Variants in PRKAG2 observed in about 807,000 individuals in gnomAD.
PRKAG2 encodes protein kinase AMP-activated non-catalytic subunit gamma 2, also known as 5'-AMP-activated protein kinase subunit gamma-2.
In PRKAG2, 26 loss-of-function variants were observed where a neutral mutation model predicts 69.6. The observed-to-expected ratio is 0.37, with a 90% CI of 0.27 to 0.52. The LOEUF is 0.52. Ranked by LOEUF, PRKAG2 falls within the 20% of genes least tolerant of loss-of-function variation. PRKAG2 has a pLI of 0.90. For synonymous variants in PRKAG2, 293 were observed against 285.0 expected, an observed-to-expected ratio of 1.03 and a Z score of -0.28; for missense variants, 557 against 740.0, an observed-to-expected ratio of 0.75 and a Z score of 2.87.
At position 151,811,405 on chromosome 7, in the gene PRKAG2, C is replaced by T. The variant is rs58554850; in HGVS notation, c.115-24864G>A. On this transcript the variant is annotated intron_variant, in intron 1 of 15. Transcript: ENST00000287878. Reference sequence around the variant, plus strand: ...GTGAACAGCAGAATGCTCTGCCAGGCCCAGGCCACGAGGCCTCTGGGGTGA... The same window carrying T: ...GTGAACAGCAGAATGCTCTGCCAGGTCCAGGCCACGAGGCCTCTGGGGTGA... 9.8e-3 allele frequency among the ~76,000 whole-genome samples: 1,500 copies of T among 152,348 alleles called. 56 individuals carry two copies. Among genetic ancestry groups the T allele is most frequent in the Admixed American group, 0.072 (1,100 of 15,306 alleles).
At chr7:151,661,178 TTTTTTG>T (rs945159428) in intron 4 of PRKAG2, among the ~76,000 whole-genome samples, 38 of 152,282 alleles carry the variant, frequency 2.5e-4, no homozygotes, top group African/African-American at 7.0e-4. Flanking sequence ...TTCACTGTCT[TTTTTTG>T]TTTTTGTTTT....
chr7:151,625,604 T>C (rs1184749720), intron 5 of PRKAG2, among the ~76,000 whole-genome samples: 3 of 151,838 alleles, frequency 2.0e-5, no homozygotes, highest in Non-Finnish European at 2.9e-5. Flanking sequence ...GAACGGTCCA[T>C]AGGAAGATGA....
At chr7:151,856,795 G>A (rs13231633) in intron 1 of PRKAG2, among the ~76,000 whole-genome samples, 5 of 152,306 alleles carry the variant, frequency 3.3e-5, no homozygotes, top group African/African-American at 1.2e-4. Context: ...CCACAGGGAA[G>A]AGAACTGGAT....
At chr7:151,747,645 G>A (rs376744875) in intron 3 of PRKAG2, among the ~76,000 whole-genome samples, 37 of 152,228 alleles carry the variant, frequency 2.4e-4, no homozygotes, top group Admixed American at 7.2e-4. Flanking sequence ...TCTGGTACTC[G>A]ATGGCTTAAG....
intron 1 of PRKAG2, among the ~76,000 whole-genome samples, chr7:151,848,233 G>C (rs1263332855): frequency 6.6e-6 from 1 of 152,162 alleles, no homozygotes; most frequent in African/African-American, 2.4e-5. Context: ...GGGGTGGTTA[G>C]GTCATGAGGA....
At chr7:151,569,504 C>G (rs910011438) in intron 10 of PRKAG2, among the ~76,000 whole-genome samples, 3 of 152,234 alleles carry the variant, frequency 2.0e-5, no homozygotes, top group Non-Finnish European at 4.4e-5. Context: ...CCCGGGCCGG[C>G]CCGGCTAGGA....
intron 3 of PRKAG2, among the ~76,000 whole-genome samples, chr7:151,727,782 C>A (rs572699417): frequency 6.6e-6 from 1 of 152,142 alleles, no homozygotes; most frequent in Admixed American, 6.5e-5. Context: ...GCAGGGCAGC[C>A]GGGTCAGCGT....
chr7:151,847,056 C>T (rs1166597101), intron 1 of PRKAG2, among the ~76,000 whole-genome samples: 1 of 152,310 alleles, frequency 6.6e-6, no homozygotes, highest in African/African-American at 2.4e-5. Context: ...TAAATGCTCT[C>T]GGCCTTGTAC....
chr7:151,681,988 T>C (rs1343396954), intron 3 of PRKAG2, among the ~76,000 whole-genome samples: 1 of 152,134 alleles, frequency 6.6e-6, no homozygotes, highest in Non-Finnish European at 1.5e-5. Context: ...CCCATGTGCT[T>C]CCTAAGGTGG....
intron 1 of PRKAG2, among the ~76,000 whole-genome samples, chr7:151,875,155 G>A (rs146398655): frequency 1.6e-3 from 245 of 152,234 alleles, no homozygotes; most frequent in Admixed American, 2.8e-3. Flanking sequence ...CTGCATAATC[G>A]AGTCACCACC....
At chr7:151,790,250 G>A (rs561372549) in intron 1 of PRKAG2, among the ~76,000 whole-genome samples, 11 of 152,094 alleles carry the variant, frequency 7.2e-5, no homozygotes, top group Admixed American at 2.0e-4. Context: ...TTCCTGCTCC[G>A]TGTCCCCAAA....
intron 3 of PRKAG2, among the ~76,000 whole-genome samples, chr7:151,743,120 C>T (rs2074018456): frequency 6.6e-6 from 1 of 152,158 alleles, no homozygotes. Context: ...GCTCAGAGTT[C>T]CTTCTAACAG....
chr7:151,677,153 A>G (rs548566214), intron 3 of PRKAG2, among the ~76,000 whole-genome samples: 1 of 152,142 alleles, frequency 6.6e-6, no homozygotes, highest in Non-Finnish European at 1.5e-5. Context: ...TAAGAGAAGC[A>G]GAATCTGGCT....
chr7:151,642,282 G>T (rs750664631), intron 4 of PRKAG2, among the ~76,000 whole-genome samples: 18 of 152,200 alleles, frequency 1.2e-4, no homozygotes, highest in Non-Finnish European at 2.6e-4. Context: ...AGCAGAGCTT[G>T]CAGTGAGCCA....
intron 3 of PRKAG2, among the ~76,000 whole-genome samples, chr7:151,768,326 T>C (rs1421025238): frequency 5.9e-5 from 9 of 152,166 alleles, no homozygotes; most frequent in African/African-American, 2.2e-4. Flanking sequence ...AATTTTAGGA[T>C]ATTCTTGAGG....
At chr7:151,770,329 T>C (rs2075961937) in intron 3 of PRKAG2, among the ~76,000 whole-genome samples, 1 of 152,158 alleles carries the variant, frequency 6.6e-6, no homozygotes, top group South Asian at 2.1e-4. Flanking sequence ...AAAGGTTAAG[T>C]CTCCACCCCA....
intron 4 of PRKAG2, among the ~76,000 whole-genome samples, chr7:151,673,600 C>T (rs1832415761): frequency 6.6e-6 from 1 of 152,174 alleles, no homozygotes; most frequent in Non-Finnish European, 1.5e-5. Context: ...TACTTTGCTA[C>T]ACCTGTGTTT....
intron 1 of PRKAG2, among the ~76,000 whole-genome samples, chr7:151,848,198 G>A (rs923224764): frequency 6.6e-6 from 1 of 152,196 alleles, no homozygotes; most frequent in Non-Finnish European, 1.5e-5. Flanking sequence ...AATCCCTCAT[G>A]CAACAATATT....
At chr7:151,767,259 G>A (rs1252322186) in intron 3 of PRKAG2, among the ~76,000 whole-genome samples, 1 of 152,138 alleles carries the variant, frequency 6.6e-6, no homozygotes, top group Non-Finnish European at 1.5e-5. Context: ...CCTGATTCCA[G>A]ACTTCCAGCC....
Sources: gnomAD v4.1 joint callset for allele counts (sites outside exome capture counted in the v4.1 genomes callset) on GRCh38, gnomAD v4.1.1 for gene constraint, MANE v1.5 for transcripts, NCBI Gene and HGNC (gene_info 2026-07-23, HGNC 2026-07-21) for gene names.